Variants in PPP3CC observed in about 807,000 individuals in gnomAD.
PPP3CC encodes protein phosphatase 3 catalytic subunit gamma, also known as serine/threonine-protein phosphatase 2B catalytic subunit gamma isoform.
A neutral mutation model predicts 60.3 loss-of-function variants in PPP3CC; 35 were observed. The ratio of observed to expected loss-of-function variants is 0.58; its 90% CI spans 0.44 to 0.77. The LOEUF (loss-of-function observed/expected upper bound fraction) is 0.77, where lower values mean the gene tolerates loss of function less well. Ranked by LOEUF, PPP3CC falls within the 30% of genes least tolerant of loss-of-function variation. The probability of loss-of-function intolerance (pLI) is 0.00; values close to 1 mark genes in which losing one functional copy is unlikely to be tolerated. For synonymous variants in PPP3CC, 206 were observed against 224.3 expected, an observed-to-expected ratio of 0.92 and a Z score of 0.73; for missense variants, 570 against 628.9, an observed-to-expected ratio of 0.91 and a Z score of 1.00.
intron 1 of PPP3CC, among the ~76,000 whole-genome samples, chr8:22,441,738 C>G (rs1306089615): frequency 6.6e-6 from 1 of 152,182 alleles, no homozygotes; most frequent in Non-Finnish European, 1.5e-5. Flanking sequence ...GGGCCCGGAT[C>G]CCTGTCTTTT....
chr8:22,483,628 A>G (rs988919554), intron 3 of PPP3CC, among the ~76,000 whole-genome samples: 1 of 152,168 alleles, frequency 6.6e-6, no homozygotes, highest in African/African-American at 2.4e-5. Flanking sequence ...TTGATCACAT[A>G]CAAAATTCCA....
chr8:22,507,443 T>C (rs1242834222), intron 4 of PPP3CC, among the ~76,000 whole-genome samples: 1 of 152,216 alleles, frequency 6.6e-6, no homozygotes, highest in African/African-American at 2.4e-5. Context: ...GCTATTTAGA[T>C]TCTCCTATTC....
chr8:22,499,747 T>G (rs1238688342), intron 4 of PPP3CC, among the ~76,000 whole-genome samples: 3 of 152,384 alleles, frequency 2.0e-5, no homozygotes, highest in South Asian at 2.1e-4. Flanking sequence ...GATCTCTATC[T>G]GCGTATAAGA....
At chr8:22,470,355 T>G (rs58166104) in intron 1 of PPP3CC, among the ~76,000 whole-genome samples, 3 of 152,284 alleles carry the variant, frequency 2.0e-5, no homozygotes, top group East Asian at 3.9e-4. Context: ...TTAAATAAAT[T>G]ATCATAAGCA....
At chr8:22,442,726 A>G (rs961726694) in intron 1 of PPP3CC, among the ~76,000 whole-genome samples, 1 of 152,230 alleles carries the variant, frequency 6.6e-6, no homozygotes, top group Non-Finnish European at 1.5e-5. Flanking sequence ...AGCCTATAAG[A>G]AGTATATAGC....
At chr8:22,452,983 T>TA (rs921962162) in intron 1 of PPP3CC, among the ~76,000 whole-genome samples, 1 of 152,324 alleles carries the variant, frequency 6.6e-6, no homozygotes, top group Non-Finnish European at 1.5e-5. Context: ...AACACACGCT[T>TA]AGGTGCTTAG....
In PPP3CC at chr8:22,447,403, C is replaced by T. The variant is rs373399777; in HGVS notation, c.49+5945C>T. ...TTCACTGTGTTAGCCAGGATGGTCT[C>T]GGTCTCCTGACCTCGTGATCCGCCC... On this transcript the variant is annotated intron_variant, in intron 1 of 13. Coordinates refer to ENST00000240139, the MANE Select transcript of PPP3CC (RefSeq NM_005605.5). Among the ~76,000 whole-genome samples, 28 of 151,908 alleles carry T rather than the reference C, an allele frequency of 1.8e-4. 1 individual carries two copies. Among genetic ancestry groups the T allele is most frequent in the African/African-American group, 4.1e-4 (17 of 41,436 alleles).
intron 1 of PPP3CC, among the ~76,000 whole-genome samples, chr8:22,462,308 T>C (rs1837384735): frequency 6.6e-6 from 1 of 152,046 alleles, no homozygotes; most frequent in African/African-American, 2.4e-5. Context: ...TGCGGTTTGG[T>C]TTGGTTCAGT....
At chr8:22,514,003 T>C (rs1839167184) in intron 6 of PPP3CC, among the ~76,000 whole-genome samples, 1 of 152,172 alleles carries the variant, frequency 6.6e-6, no homozygotes, top group Admixed American at 6.5e-5. Flanking sequence ...CCCAGCTCTT[T>C]GGGGTGCCTA....
At position 22,522,720 on chromosome 8, in the gene PPP3CC, C is replaced by G. The variant is rs750379620; in HGVS notation, c.914C>G (p.Pro305Arg). Reference sequence around the variant, plus strand: ...TCACTTATTACAATTTTCTCTGCCCCCAATTACCTAGATGTCTATAACAAT... The same window carrying G: ...TCACTTATTACAATTTTCTCTGCCCGCAATTACCTAGATGTCTATAACAAT... ...FPSLITIFSA[P>R]NYLDVYNNKA... Residue 305 changes from proline to arginine, a missense_variant, in exon 8 of 14, where the codon CCC (proline) becomes CGC (arginine). Coordinates refer to ENST00000240139, the MANE Select transcript of PPP3CC (RefSeq NM_005605.5). The G allele has an allele frequency of 1.3e-6, 2 of 1,597,866 alleles. No individual in the cohort carries two copies. The highest frequency in any genetic ancestry group is 2.2e-5 in the East Asian group (1 of 44,756).
At chr8:22,507,450 A>G (rs1484308223) in intron 4 of PPP3CC, among the ~76,000 whole-genome samples, 1 of 152,224 alleles carries the variant, frequency 6.6e-6, no homozygotes, top group Non-Finnish European at 1.5e-5. Context: ...AGATTCTCCT[A>G]TTCAAAATCT....
chr8:22,445,374 A>T (rs1383057903), intron 1 of PPP3CC, among the ~76,000 whole-genome samples: 2 of 152,088 alleles, frequency 1.3e-5, no homozygotes, highest in Admixed American at 6.6e-5. Flanking sequence ...AGGGTTTAAA[A>T]TTTTTTCTCT....
At chr8:22,525,495 T>C (rs1029425715) in intron 8 of PPP3CC, among the ~76,000 whole-genome samples, 2 of 76,270 alleles carry the variant, frequency 2.6e-5, no homozygotes, top group Non-Finnish European at 5.6e-5. Flanking sequence ...CCTTTTCTTC[T>C]TTCTTTCTTT....
intron 1 of PPP3CC, among the ~76,000 whole-genome samples, chr8:22,465,275 T>C (rs1837485545): frequency 6.6e-6 from 1 of 152,250 alleles, no homozygotes; most frequent in Non-Finnish European, 1.5e-5. Flanking sequence ...ACTCTACTTC[T>C]TGATAGGATA....
At chr8:22,488,883 G>T (rs1378341801) in intron 3 of PPP3CC, among the ~76,000 whole-genome samples, 5 of 152,194 alleles carry the variant, frequency 3.3e-5, no homozygotes, top group Admixed American at 1.3e-4. Context: ...GGCAGTCCAT[G>T]TATAGTAGTG....
chr8:22,531,889 C>G (rs1839726240), intron 10 of PPP3CC, among the ~76,000 whole-genome samples: 2 of 152,222 alleles, frequency 1.3e-5, no homozygotes, highest in Non-Finnish European at 2.9e-5. Flanking sequence ...GCTGTAGCAG[C>G]TTTCTTTGTG....
chr8:22,470,047 G>GAT (rs34311032), intron 1 of PPP3CC, among the ~76,000 whole-genome samples: 228 of 144,902 alleles, frequency 1.6e-3, no homozygotes, highest in African/African-American at 4.7e-3. Flanking sequence ...AAATATGGGT[G>GAT]ATATATATAT....
At chr8:22,519,717 C>T (rs753767211) in intron 6 of PPP3CC, among the ~76,000 whole-genome samples, 11 of 152,138 alleles carry the variant, frequency 7.2e-5, no homozygotes, top group East Asian at 1.9e-4. Context: ...TGCAGTGGTG[C>T]GATCTTGGCT....
chr8:22,507,551 G>C (rs1838960176), intron 4 of PPP3CC, among the ~76,000 whole-genome samples: 1 of 152,212 alleles, frequency 6.6e-6, no homozygotes, highest in African/African-American at 2.4e-5. Context: ...CTTGCTTGCA[G>C]CTTTGGGCAG....
Sources: gnomAD v4.1 joint callset for allele counts (sites outside exome capture counted in the v4.1 genomes callset) on GRCh38, gnomAD v4.1.1 for gene constraint, MANE v1.5 for transcripts, NCBI Gene and HGNC (gene_info 2026-07-23, HGNC 2026-07-21) for gene names.